CSMD2: variants seen among roughly 807,000 people sequenced by gnomAD.
CSMD2 encodes CUB and sushi domain-containing protein 2.
CSMD2 carries 130 observed loss-of-function variants against 398.5 expected under a neutral mutation model. The ratio of observed to expected loss-of-function variants is 0.33; its 90% CI spans 0.28 to 0.38. CSMD2 has a LOEUF of 0.38. Among genes scored for constraint, CSMD2 ranks in the 10% least tolerant of loss-of-function variants. The pLI, the probability that CSMD2 is intolerant of heterozygous loss-of-function variation, is 1.00. For synonymous variants in CSMD2, 1,828 were observed against 1,908.5 expected, an observed-to-expected ratio of 0.96 and a Z score of 1.10; for missense variants, 3,829 against 4,764.9, an observed-to-expected ratio of 0.80 and a Z score of 5.78.
chr1:33,600,524 C>T (rs188200066), intron 44 of CSMD2: 20 of 496,894 alleles, frequency 4.0e-5, no homozygotes, highest in Admixed American at 1.1e-4. Context: ...AAGGAGAACC[C>T]GCTAGAAAGT....
chr1:33,742,582 C>CCA (rs1557824899), intron 14 of CSMD2, among the ~76,000 whole-genome samples: 1 of 134,268 alleles, frequency 7.4e-6, no homozygotes, highest in African/African-American at 2.8e-5. Flanking sequence ...CTTCTGCCCC[C>CCA]CCCCCCCCAA....
chr1:34,140,805 C>A (rs916686556), intron 1 of CSMD2, among the ~76,000 whole-genome samples: 6 of 152,096 alleles, frequency 3.9e-5, no homozygotes, highest in African/African-American at 1.4e-4. Flanking sequence ...AGATTTCATA[C>A]CCTCCTCCCA....
intron 37 of CSMD2, among the ~76,000 whole-genome samples, chr1:33,620,174 T>C (rs757796579): frequency 9.9e-5 from 15 of 152,236 alleles, no homozygotes; most frequent in Non-Finnish European, 1.2e-4. Context: ...TCATATGTAA[T>C]TTATTACTTT....
At chr1:33,607,214 G>A (rs774148769) in intron 41 of CSMD2, among the ~76,000 whole-genome samples, 2 of 152,182 alleles carry the variant, frequency 1.3e-5, no homozygotes, top group Non-Finnish European at 2.9e-5. Flanking sequence ...TGTCGGACCG[G>A]GAGGCCTGGC....
At chr1:34,003,039 C>G (rs1646948572) in intron 3 of CSMD2, among the ~76,000 whole-genome samples, 2 of 152,148 alleles carry the variant, frequency 1.3e-5, no homozygotes, top group African/African-American at 4.8e-5. Context: ...AACAGTACCT[C>G]TGGGGCTTTG....
At chr1:33,837,545 G>A (rs1018136905) in intron 6 of CSMD2, among the ~76,000 whole-genome samples, 2 of 152,250 alleles carry the variant, frequency 1.3e-5, no homozygotes, top group African/African-American at 2.4e-5. Context: ...GCACACCCCC[G>A]ATAGTATGCT....
chr1:34,126,787 G>GGA (rs966917075), intron 1 of CSMD2, among the ~76,000 whole-genome samples: 3 of 29,538 alleles, frequency 1.0e-4, no homozygotes, highest in South Asian at 1.9e-3. Flanking sequence ...AGAGACTCGG[G>GGA]GAGAGAGAGA....
intron 6 of CSMD2, among the ~76,000 whole-genome samples, chr1:33,837,771 G>C (rs1217516936): frequency 6.6e-6 from 1 of 152,228 alleles, no homozygotes. Context: ...CAAGGGAAAA[G>C]TGCTGGCTGT....
intron 3 of CSMD2, among the ~76,000 whole-genome samples, chr1:34,015,584 C>T (rs907426363): frequency 5.3e-5 from 8 of 152,118 alleles, no homozygotes; most frequent in African/African-American, 1.9e-4. Context: ...TCCTGGATCA[C>T]AAAGGGCTGT....
At chr1:33,613,622 C>T (rs1034870593) in intron 40 of CSMD2, among the ~76,000 whole-genome samples, 2 of 152,222 alleles carry the variant, frequency 1.3e-5, no homozygotes, top group African/African-American at 4.8e-5. Context: ...AATCACACTC[C>T]AGGCTGAATA....
At chr1:33,826,202 G>T (rs1658795227) in intron 6 of CSMD2, among the ~76,000 whole-genome samples, 1 of 152,170 alleles carries the variant, frequency 6.6e-6, no homozygotes, top group South Asian at 2.1e-4. Context: ...CCCTGACAGG[G>T]TATGGTAGAT....
chr1:33,908,538 G>A (rs78672115), intron 5 of CSMD2, among the ~76,000 whole-genome samples: 3 of 152,352 alleles, frequency 2.0e-5, no homozygotes, highest in South Asian at 2.1e-4. Context: ...AGACCCATGG[G>A]GGGCAGGCCA....
intron 26 of CSMD2, among the ~76,000 whole-genome samples, chr1:33,658,507 T>C (rs913229206): frequency 1.3e-5 from 2 of 152,200 alleles, no homozygotes; most frequent in Non-Finnish European, 2.9e-5. Context: ...AACAAAGCAT[T>C]GCAATTTTGT....
chr1:33,656,234 T>A (rs1643942365), intron 27 of CSMD2, among the ~76,000 whole-genome samples: 1 of 152,164 alleles, frequency 6.6e-6, no homozygotes, highest in South Asian at 2.1e-4. Context: ...CACAATGCCA[T>A]AAGGGAAGTG....
chr1:33,726,785 TTTG>T (rs1340730426), intron 15 of CSMD2, 100 bp from the exon 16 acceptor site: 20 of 1,312,938 alleles, frequency 1.5e-5, no homozygotes, highest in Admixed American at 2.8e-5. Flanking sequence ...AAGTATAGTT[TTTG>T]TTTTTATGGA....
At chr1:33,904,592 C>T (rs565519876) in intron 5 of CSMD2, among the ~76,000 whole-genome samples, 1 of 152,268 alleles carries the variant, frequency 6.6e-6, no homozygotes, top group Admixed American at 6.5e-5. Context: ...TTATCCACCA[C>T]TAAATAGCCA....
rs41265915 is a variant in CSMD2, at chr1:33,586,514, C to T, written c.7041G>A (p.Pro2347=). Residue 2347 remains proline (P), a synonymous_variant, in exon 46 of 71, where the codon CCG becomes CCA. Coordinates refer to ENST00000373381, the MANE Select transcript of CSMD2 (RefSeq NM_001281956.2). ...GCTCCATGCAATTACCTTCACATAT[C>T]GGGGGTGGTCCTTCAAACTGCAGGT... is the stretch of plus-strand genomic sequence containing the variant. ...GTYLQFEGPP[P]ICEVHCPTNE... is the part of the protein sequence containing the mutation. 6,077 of 1,610,330 alleles carry T rather than the reference C, an allele frequency of 3.8e-3. 23 individuals are homozygous for T. The highest frequency in any genetic ancestry group is 4.9e-3 in the Non-Finnish European group (5,757 of 1,176,758).
At chr1:33,538,475 C>CGTGT (rs36072752) in intron 60 of CSMD2, among the ~76,000 whole-genome samples, 1 of 151,274 alleles carries the variant, frequency 6.6e-6, no homozygotes, top group Non-Finnish European at 1.5e-5. Context: ...TGTGCGTGTG[C>CGTGT]GTGTGTGTGT....
intron 1 of CSMD2, among the ~76,000 whole-genome samples, chr1:34,113,813 A>T (rs891360771): frequency 2.6e-5 from 4 of 152,238 alleles, no homozygotes; most frequent in South Asian, 2.1e-4. Context: ...ATGCATAAGA[A>T]AAATTGTTTC....
Sources: allele counts gnomAD v4.1 joint callset (sites outside exome capture counted in the v4.1 genomes callset), GRCh38; gene constraint gnomAD v4.1.1; transcripts MANE v1.5; gene names NCBI Gene and HGNC (gene_info 2026-07-23, HGNC 2026-07-21).